Variants in DAB1 observed in about 807,000 individuals in gnomAD.
DAB1 encodes DAB adaptor protein 1.
A neutral mutation model predicts 64.6 loss-of-function variants in DAB1; 15 were observed. The ratio of observed to expected loss-of-function variants is 0.23; its 90% CI spans 0.16 to 0.36. The LOEUF is 0.36. Among genes scored for constraint, DAB1 ranks in the 10% least tolerant of loss-of-function variants. DAB1 has a pLI of 1.00. For synonymous variants in DAB1, 235 were observed against 251.9 expected, an observed-to-expected ratio of 0.93 and a Z score of 0.64; for missense variants, 596 against 706.7, an observed-to-expected ratio of 0.84 and a Z score of 1.78.
chr1:58,478,846 T>C (rs1039990163), intron 3 of DAB1, among the ~76,000 whole-genome samples: 1 of 152,186 alleles, frequency 6.6e-6, no homozygotes, highest in East Asian at 1.9e-4. Flanking sequence ...CTAAATCCTA[T>C]AGGCACATGA....
chr1:58,283,496 G>A lies in DAB1; in HGVS notation n.309+59856C>T, dbSNP rs186785629. Among the ~76,000 whole-genome samples the A allele has an allele frequency of 2.6e-5, 4 of 152,136 alleles. No individual in the cohort carries two copies. The East Asian group carries it at 7.7e-4, about 29-fold the overall frequency. ...CCACCCAGAGACAAGACTTTCGGTG[G>A]CACATTGAGGCCCAGTTCCTGCCTT... is the stretch of plus-strand genomic sequence containing the variant. On this transcript the variant is annotated intron_variant and non_coding_transcript_variant, in intron 4 of 20. Coordinates refer to the DAB1 transcript ENST00000485760.
chr1:58,303,288 T>C (rs574623274), intron 4 of DAB1, among the ~76,000 whole-genome samples: 6 of 152,154 alleles, frequency 3.9e-5, no homozygotes, highest in Non-Finnish European at 8.8e-5. Flanking sequence ...CTTCCTGCTG[T>C]TGCTAATCTT....
intron 5 of DAB1, among the ~76,000 whole-genome samples, chr1:57,953,740 C>T (rs1645326215): frequency 6.6e-6 from 1 of 152,164 alleles, no homozygotes; most frequent in South Asian, 2.1e-4. Context: ...TAGCATGAAA[C>T]AGGCAGGTGA....
chr1:58,190,098 G>A (rs1350910660), intron 4 of DAB1, among the ~76,000 whole-genome samples: 1 of 152,188 alleles, frequency 6.6e-6, no homozygotes, highest in African/African-American at 2.4e-5. Flanking sequence ...ACATCTGGGA[G>A]TGGGGCATTT....
At chr1:58,227,072 A>T (rs1659533382) in intron 4 of DAB1, among the ~76,000 whole-genome samples, 1 of 152,228 alleles carries the variant, frequency 6.6e-6, no homozygotes, top group African/African-American at 2.4e-5. Context: ...TTCTGAACTG[A>T]CTGCCCAAGA....
At chr1:57,820,629 G>A (rs72916592) in intron 6 of DAB1, among the ~76,000 whole-genome samples, 1,982 of 152,224 alleles carry the variant, frequency 0.013, 47 homozygotes, top group African/African-American at 0.045. Flanking sequence ...AATAGGATCA[G>A]CCAAAAGGAT....
intron 7 of DAB1, among the ~76,000 whole-genome samples, chr1:57,499,136 C>T (rs557149414): frequency 5.3e-5 from 8 of 152,078 alleles, no homozygotes; most frequent in Non-Finnish European, 5.9e-5. Flanking sequence ...CCACCACGCC[C>T]GGCTAATTTT....
chr1:57,132,231 C>G (rs948934878), intron 4 of DAB1, among the ~76,000 whole-genome samples: 3 of 152,064 alleles, frequency 2.0e-5, no homozygotes, highest in Admixed American at 2.0e-4. Flanking sequence ...GTAATACTTA[C>G]TACATAAAAA....
At chr1:57,337,803 T>C (rs566036692) in intron 1 of DAB1, among the ~76,000 whole-genome samples, 31 of 152,140 alleles carry the variant, frequency 2.0e-4, no homozygotes, top group Middle Eastern at 3.4e-3. Flanking sequence ...GGCACCTGTA[T>C]TCCACTAGAA....
At chr1:58,465,594 G>A (rs1645288419) in intron 3 of DAB1, among the ~76,000 whole-genome samples, 1 of 152,162 alleles carries the variant, frequency 6.6e-6, no homozygotes. Flanking sequence ...GACACAGTGA[G>A]GTGTAGGTAT....
intron 3 of DAB1, chr1:58,474,069 T>C: frequency 2.0e-6 from 1 of 507,260 alleles, no homozygotes; most frequent in South Asian, 1.6e-5. Flanking sequence ...ATCCAGAGCC[T>C]AGGAATCACC....
chr1:57,816,427 A>G (rs185722614), intron 6 of DAB1, among the ~76,000 whole-genome samples: 148 of 152,328 alleles, frequency 9.7e-4, no homozygotes, highest in African/African-American at 3.4e-3. Flanking sequence ...AACAACACAC[A>G]GCTCATATGA....
intron 9 of DAB1, among the ~76,000 whole-genome samples, chr1:57,058,293 G>A (rs1650036999): frequency 6.6e-6 from 1 of 152,196 alleles, no homozygotes; most frequent in South Asian, 2.1e-4. Context: ...CCAGGCAAGA[G>A]GGCTTCTTTG....
chr1:58,168,318 C>A (rs1655974582), intron 4 of DAB1, among the ~76,000 whole-genome samples: 2 of 152,142 alleles, frequency 1.3e-5, no homozygotes, highest in Admixed American at 6.5e-5. Flanking sequence ...GGGGTCCCAA[C>A]AACAAGCTGG....
At chr1:58,099,278 A>G (rs984477097) in intron 5 of DAB1, among the ~76,000 whole-genome samples, 10 of 152,298 alleles carry the variant, frequency 6.6e-5, no homozygotes, top group African/African-American at 1.9e-4. Context: ...CTGAGTGCCC[A>G]GAGATGGTTA....
intron 3 of DAB1, among the ~76,000 whole-genome samples, chr1:58,438,590 T>C (rs1175495183): frequency 1.3e-5 from 2 of 152,182 alleles, no homozygotes; most frequent in Non-Finnish European, 2.9e-5. Flanking sequence ...TTATGTTTGC[T>C]GCTAGCAGCT....
At chr1:58,355,858 C>A (rs1260156282) in intron 3 of DAB1, among the ~76,000 whole-genome samples, 6 of 152,182 alleles carry the variant, frequency 3.9e-5, no homozygotes, top group Non-Finnish European at 7.3e-5. Context: ...CAAGGGCACC[C>A]TGCTTAGATA....
chr1:57,710,745 T>A (rs184077526), intron 6 of DAB1, among the ~76,000 whole-genome samples: 3 of 152,100 alleles, frequency 2.0e-5, no homozygotes, highest in Non-Finnish European at 4.4e-5. Context: ...TTTATCTAGG[T>A]TTTTAGTGTG....
intron 4 of DAB1, among the ~76,000 whole-genome samples, chr1:57,113,466 C>CA (rs1343706750): frequency 1.3e-5 from 2 of 152,240 alleles, no homozygotes; most frequent in Admixed American, 1.3e-4. Context: ...AAGGACCAGA[C>CA]AATAAATTTC....
Sources: allele counts gnomAD v4.1 joint callset (sites outside exome capture counted in the v4.1 genomes callset), GRCh38; gene constraint gnomAD v4.1.1; transcripts MANE v1.5; gene names NCBI Gene and HGNC (gene_info 2026-07-23, HGNC 2026-07-21).